NPSR1: variants seen among roughly 807,000 people sequenced by gnomAD.
The protein encoded by NPSR1 is neuropeptide S receptor 1.
Under a neutral mutation model 46.9 loss-of-function variants are expected in NPSR1, and 48 were observed. The ratio of observed to expected loss-of-function variants is 1.02; its 90% CI spans 0.81 to 1.30. The LOEUF is 1.30. Ranked by LOEUF, NPSR1 falls within the 50% of genes most tolerant of loss-of-function variation. The pLI, the probability that NPSR1 is intolerant of heterozygous loss-of-function variation, is 0.00. For missense variants in NPSR1, 450 were observed against 449.5 expected (o/e 1.00, Z -0.01); for synonymous variants, 176 against 168.1 (o/e 1.05, Z -0.36).
At position 34,858,321 on chromosome 7, in the gene NPSR1, T is replaced by C. The variant is rs149963930; in HGVS notation, c.1025+9658T>C. ...AGCAGTAGAATAGATAAATAAATTATGGTGTATTTCATACAATGGAATACT... is the reference window on the plus strand; with the variant it reads ...AGCAGTAGAATAGATAAATAAATTACGGTGTATTTCATACAATGGAATACT... On this transcript the variant is annotated intron_variant, in intron 8 of 8. Coordinates refer to the NPSR1 transcript ENST00000359791. 3.1e-3 allele frequency among the ~76,000 whole-genome samples: 468 copies of C among 151,822 alleles called. 18 individuals are homozygous for C. The highest frequency in any genetic ancestry group is 0.011 in the African/African-American group (440 of 41,136).
intron 2 of NPSR1, among the ~76,000 whole-genome samples, chr7:34,750,043 A>T (rs1229728996): frequency 6.6e-6 from 1 of 152,146 alleles, no homozygotes; most frequent in Non-Finnish European, 1.5e-5. Context: ...ACTGGCAAAC[A>T]TATATTCCAA....
At chr7:34,825,985 G>GT (rs958498580) in intron 4 of NPSR1, among the ~76,000 whole-genome samples, 33 of 152,176 alleles carry the variant, frequency 2.2e-4, no homozygotes, top group East Asian at 7.7e-4. Flanking sequence ...GGAATTTGGG[G>GT]TTTTTTTATT....
chr7:34,773,860 T>C (rs182748937), intron 2 of NPSR1, among the ~76,000 whole-genome samples: 8 of 152,310 alleles, frequency 5.3e-5, no homozygotes, highest in African/African-American at 1.9e-4. Context: ...TTTCAGTGCT[T>C]CTTGTGTACT....
rs986839777 is a variant in NPSR1, at chr7:34,750,210, T to C, written c.281-28252T>C. The C allele has an allele frequency of 5.6e-6, 3 of 539,942 alleles. No homozygotes were observed. The African/African-American group carries it at 5.7e-5, about 10-fold the overall frequency. The allele number at this position is 539,942 out of a possible 1,614,324, so 33.4% of individuals were successfully genotyped here. ...TAGAATTCTAGGTCACCCTACAAGT[T>C]ACCCTGCACAGGGAGGAAAGGAACA... On this transcript the variant is annotated intron_variant, in intron 2 of 8. Coordinates refer to ENST00000360581, the MANE Select transcript of NPSR1 (RefSeq NM_207172.2).
intron 1 of NPSR1, among the ~76,000 whole-genome samples, chr7:34,666,259 A>C (rs947167231): frequency 3.4e-5 from 5 of 147,730 alleles, no homozygotes; most frequent in African/African-American, 1.2e-4. Context: ...ACAAGCCTGG[A>C]AAAGGGAAAG....
Position 34,690,045 on chromosome 7 carries a change from C to T in NPSR1, c.280+5361C>T, listed in dbSNP as rs899865364. Among the ~76,000 whole-genome samples, 40 of 152,182 alleles carry T rather than the reference C, an allele frequency of 2.6e-4. 1 individual carries two copies. Among genetic ancestry groups the T allele is most frequent in the African/African-American group, 9.4e-4 (39 of 41,528 alleles). ...TAAGCCTCCTGAGACCTCTGCCACC[C>T]AGCCTTATAGGAGGCAGTGAGCCTC... On this transcript the variant is annotated intron_variant, in intron 2 of 8. Transcript: ENST00000360581.
At chr7:34,845,808 C>T (rs1313440547) in intron 7 of NPSR1, among the ~76,000 whole-genome samples, 4 of 151,872 alleles carry the variant, frequency 2.6e-5, no homozygotes, top group South Asian at 2.1e-4. Context: ...TAACATTTGT[C>T]GAATGAATGA....
At chr7:34,806,613 A>C (rs1390159746) in intron 3 of NPSR1, among the ~76,000 whole-genome samples, 1 of 152,116 alleles carries the variant, frequency 6.6e-6, no homozygotes, top group Non-Finnish European at 1.5e-5. Flanking sequence ...CAAAACCCAT[A>C]GAACTGTCCA....
chr7:34,731,087 C>T (rs1183425563), intron 2 of NPSR1, among the ~76,000 whole-genome samples: 5 of 151,738 alleles, frequency 3.3e-5, no homozygotes, highest in African/African-American at 1.2e-4. Context: ...GATTTTACTG[C>T]AAAATATAAA....
chr7:34,796,622 CAAT>C (rs1185743916), intron 3 of NPSR1, among the ~76,000 whole-genome samples: 1 of 152,082 alleles, frequency 6.6e-6, no homozygotes, highest in African/African-American at 2.4e-5. Flanking sequence ...CAAATTAAAA[CAAT>C]GATATAGCAC....
rs181651064 is a variant in NPSR1 at position 34,831,219 on chromosome 7, G to A, written c.681-3165G>A. Reference sequence around the variant, plus strand: ...GTGAATATTAGATTGAATGAATAACGCAATAAATTGCACCGAACAACAGAT... The same window carrying A: ...GTGAATATTAGATTGAATGAATAACACAATAAATTGCACCGAACAACAGAT... On this transcript the variant is annotated intron_variant, in intron 5 of 8. Transcript: ENST00000360581. Among the ~76,000 whole-genome samples, 19 of 151,916 alleles carry A rather than the reference G, an allele frequency of 1.3e-4. 1 individual carries two copies. Among genetic ancestry groups the A allele is most frequent in the Admixed American group, 7.2e-4 (11 of 15,226 alleles).
In NPSR1 at chr7:34,699,808, G is replaced by A. The variant is rs866195059; in HGVS notation, c.280+15124G>A. Among the ~76,000 whole-genome samples the A allele has an allele frequency of 2.6e-5, 4 of 152,146 alleles. No individual in the cohort carries two copies. In the South Asian group the frequency reaches 8.3e-4, roughly 31 times the overall value. On this transcript the variant is annotated intron_variant, in intron 2 of 8. Transcript: ENST00000360581. ...GAGATTCAACATATAAATTTTAGGG[G>A]AATACAAACCTTCAGTCTGTAACAG...
At chr7:34,759,847 C>T (rs1184213004) in intron 2 of NPSR1, among the ~76,000 whole-genome samples, 1 of 152,184 alleles carries the variant, frequency 6.6e-6, no homozygotes, top group Non-Finnish European at 1.5e-5. Flanking sequence ...GTAAGCACAG[C>T]CCAGGCATGC....
intron 8 of NPSR1, among the ~76,000 whole-genome samples, chr7:34,860,647 G>A (rs1166228877): frequency 1.3e-5 from 2 of 151,802 alleles, no homozygotes; most frequent in African/African-American, 2.4e-5. Flanking sequence ...TCACAAATAT[G>A]TGGTCAGAAA....
intron 3 of NPSR1, among the ~76,000 whole-genome samples, chr7:34,785,974 C>G (rs1268067453): frequency 6.6e-6 from 1 of 152,092 alleles, no homozygotes; most frequent in Non-Finnish European, 1.5e-5. Context: ...TGACTGCTGA[C>G]TTATCAGGGT....
chr7:34,807,259 T>A (rs1423710526), intron 3 of NPSR1, among the ~76,000 whole-genome samples: 3 of 152,200 alleles, frequency 2.0e-5, no homozygotes, highest in Non-Finnish European at 2.9e-5. Context: ...AGAGGGTTTT[T>A]TTTCTTGGTA....
chr7:34,755,480 G>A (rs951936457), intron 2 of NPSR1, among the ~76,000 whole-genome samples: 4 of 152,126 alleles, frequency 2.6e-5, no homozygotes, highest in African/African-American at 9.7e-5. Context: ...ACATTGCTGC[G>A]TATAGTTGCA....
chr7:34,843,459 C>T (rs1334252711), intron 6 of NPSR1, among the ~76,000 whole-genome samples: 1 of 152,216 alleles, frequency 6.6e-6, no homozygotes, highest in Admixed American at 6.5e-5. Flanking sequence ...CTCTCAAAGG[C>T]TCCACCTCCC....
intron 3 of NPSR1, among the ~76,000 whole-genome samples, chr7:34,790,850 ATATGT>A (rs1304297271): frequency 5.7e-5 from 6 of 105,502 alleles, no homozygotes; most frequent in African/African-American, 1.2e-4. Context: ...TATATATGTT[ATATGT>A]TATGTTATAT....
Sources: gnomAD v4.1 joint callset for allele counts (sites outside exome capture counted in the v4.1 genomes callset) on GRCh38, gnomAD v4.1.1 for gene constraint, MANE v1.5 for transcripts, NCBI Gene and HGNC (gene_info 2026-07-23, HGNC 2026-07-21) for gene names.